Variants in MAST2 observed in about 807,000 individuals in gnomAD.
MAST2 encodes the protein microtubule associated serine/threonine kinase 2.
In MAST2, 70 loss-of-function variants were observed where a neutral mutation model predicts 147.4. That is an observed-to-expected ratio of 0.47 (90% confidence interval 0.39 to 0.58). MAST2 has a LOEUF of 0.58. Ranked by LOEUF, MAST2 falls within the 20% of genes least tolerant of loss-of-function variation. MAST2 has a pLI of 0.00. For synonymous variants in MAST2, 869 were observed against 896.8 expected, an observed-to-expected ratio of 0.97 and a Z score of 0.55; for missense variants, 2,080 against 2,302.3, an observed-to-expected ratio of 0.90 and a Z score of 1.98.
intron 4 of MAST2, among the ~76,000 whole-genome samples, chr1:45,936,767 C>CCATCAT (rs1229373341): frequency 3.3e-5 from 5 of 152,012 alleles, no homozygotes; most frequent in Non-Finnish European, 5.9e-5. Context: ...CACATGGCCA[C>CCATCAT]CATCATCATC....
chr1:46,004,179 A>G (rs972523862), intron 7 of MAST2, among the ~76,000 whole-genome samples: 15 of 152,144 alleles, frequency 9.9e-5, no homozygotes, highest in African/African-American at 3.4e-4. Context: ...CGTGGCTAAC[A>G]TGGTGAAACC....
intron 4 of MAST2, among the ~76,000 whole-genome samples, chr1:45,943,744 C>T (rs992298888): frequency 6.6e-6 from 1 of 151,302 alleles, no homozygotes; most frequent in Non-Finnish European, 1.5e-5. Flanking sequence ...AAAACTCTGT[C>T]TCAAAAAATA....
At position 46,029,991 on chromosome 1, in the gene MAST2, A is replaced by G. The variant is rs750244333; in HGVS notation, c.2443+38A>G. Reference sequence around the variant, plus strand: ...ATGGGTGGGGTGGAGGATGGGTCCTACCTGTTTGCCTAGAAACACCTGTGC... The same window carrying G: ...ATGGGTGGGGTGGAGGATGGGTCCTGCCTGTTTGCCTAGAAACACCTGTGC... On this transcript the variant is annotated intron_variant, in intron 20 of 28. Coordinates refer to ENST00000361297, the MANE Select transcript of MAST2 (RefSeq NM_015112.3). 8.7e-6 allele frequency: 14 copies of G among 1,612,304 alleles called. No homozygotes were observed. In the African/African-American group the frequency reaches 1.2e-4, roughly 14 times the overall value.
chr1:45,978,237 G>C (rs1168303470), intron 5 of MAST2, among the ~76,000 whole-genome samples: 1 of 152,200 alleles, frequency 6.6e-6, no homozygotes, highest in Non-Finnish European at 1.5e-5. Context: ...AAAGAAGCTG[G>C]GTGCGGTGGC....
At position 46,030,109 on chromosome 1, in the gene MAST2, G is replaced by A; in HGVS notation, c.2444-20G>A. On this transcript the variant is annotated intron_variant, in intron 20 of 28. Coordinates refer to ENST00000361297, the MANE Select transcript of MAST2 (RefSeq NM_015112.3). ...CACCAGCAGGGCTCTGAAGGAAAGT[G>A]TCCTTTATGTCTGGCCCAGCCCGCT... 1.2e-6 allele frequency: 2 copies of A among 1,612,864 alleles called. No homozygotes were observed. The highest frequency in any genetic ancestry group is 2.2e-5 in the South Asian group (2 of 91,042).
At position 45,923,808 on chromosome 1, in the gene MAST2, G is replaced by A. The variant is rs372854119; in HGVS notation, c.501-35578G>A. Among the ~76,000 whole-genome samples the A allele has an allele frequency of 3.3e-5, 5 of 152,266 alleles. No individual in the cohort carries two copies. In the East Asian group the frequency reaches 5.8e-4, roughly 18 times the overall value. ...ATAAATCCTCCAATCCTGGGGGTGG[G>A]AATTGGTATTCCCACAGTCTGTTGT... On this transcript the variant is annotated intron_variant, in intron 4 of 28. Coordinates refer to ENST00000361297, the MANE Select transcript of MAST2 (RefSeq NM_015112.3).
intron 3 of MAST2, chr1:45,847,338 A>G (rs1361262761): frequency 4.4e-5 from 22 of 498,250 alleles, no homozygotes; most frequent in Non-Finnish European, 8.7e-5. Flanking sequence ...AATCTGCTCC[A>G]ACTCACTGCT....
Position 45,918,460 on chromosome 1 carries a change from T to TA in MAST2, c.500+36066dup, listed in dbSNP as rs906749943. Among the ~76,000 whole-genome samples the TA allele has an allele frequency of 8.1e-4, 123 of 152,250 alleles. 1 individual carries two copies. The highest frequency in any genetic ancestry group is 2.8e-3 in the African/African-American group (116 of 41,554). On this transcript the variant is annotated intron_variant, in intron 4 of 28. Coordinates refer to ENST00000361297, the MANE Select transcript of MAST2 (RefSeq NM_015112.3). ...TAAACAATTTTGAGGCTTTTTGAGA[T>TA]AGAGTTTCGCTCTTGTCACCCAGGC...
At chr1:45,995,693 A>G (rs1401771654) in intron 5 of MAST2, among the ~76,000 whole-genome samples, 2 of 152,208 alleles carry the variant, frequency 1.3e-5, no homozygotes, top group East Asian at 1.9e-4. Flanking sequence ...CTGGCATGAC[A>G]GGCGTGAGCC....
At chr1:46,002,751 G>C in intron 6 of MAST2, 54 bp from the exon 7 acceptor site, 1 of 1,514,264 alleles carries the variant, frequency 6.6e-7, no homozygotes, top group East Asian at 2.3e-5. Context: ...CAGGCAGGTT[G>C]TGGGTCAGGG....
chr1:45,882,974 G>A (rs79380721), intron 4 of MAST2, among the ~76,000 whole-genome samples: 10,650 of 152,156 alleles, frequency 0.07, 498 homozygotes, highest in Middle Eastern at 0.11. Context: ...TTCTGTTGGG[G>A]CAGTATTAGA....
chr1:45,864,476 C>G (rs941407777), intron 3 of MAST2, among the ~76,000 whole-genome samples: 1 of 152,132 alleles, frequency 6.6e-6, no homozygotes, highest in Non-Finnish European at 1.5e-5. Flanking sequence ...CTGACAGTAT[C>G]GAAAGAATCT....
chr1:46,007,833 A>G (rs1258941406), intron 8 of MAST2, among the ~76,000 whole-genome samples: 3 of 152,236 alleles, frequency 2.0e-5, no homozygotes, highest in East Asian at 1.9e-4. Flanking sequence ...TTCATCCCCA[A>G]GTTAGGTCCA....
chr1:45,918,382 G>A (rs929470379), intron 4 of MAST2, among the ~76,000 whole-genome samples: 5 of 152,230 alleles, frequency 3.3e-5, no homozygotes, highest in African/African-American at 1.2e-4. Flanking sequence ...TACAGAATAA[G>A]TTAGGTGGTG....
intron 4 of MAST2, among the ~76,000 whole-genome samples, chr1:45,939,513 G>A (rs1484458618): frequency 1.5e-5 from 2 of 137,686 alleles, no homozygotes; most frequent in East Asian, 4.6e-4. Context: ...TGCTATATAA[G>A]TATGAGGATC....
chr1:45,874,796 TA>T (rs1415481529), intron 3 of MAST2, among the ~76,000 whole-genome samples: 1 of 152,216 alleles, frequency 6.6e-6, no homozygotes, highest in Non-Finnish European at 1.5e-5. Flanking sequence ...ATAATTATAG[TA>T]ACCAGTGAAG....
chr1:45,832,046 C>T (rs1644974325), intron 3 of MAST2, among the ~76,000 whole-genome samples: 2 of 152,076 alleles, frequency 1.3e-5, no homozygotes, highest in South Asian at 2.1e-4. Flanking sequence ...TCTCAAAGTG[C>T]TGGGATTACA....
chr1:45,872,030 C>T (rs1193441634), intron 3 of MAST2, among the ~76,000 whole-genome samples: 2 of 152,004 alleles, frequency 1.3e-5, no homozygotes, highest in East Asian at 1.9e-4. Context: ...CACCTTGCCT[C>T]GTTGATTTTA....
intron 4 of MAST2, among the ~76,000 whole-genome samples, chr1:45,909,110 A>G (rs1457763990): frequency 3.3e-5 from 5 of 152,170 alleles, no homozygotes; most frequent in Admixed American, 6.5e-5. Flanking sequence ...ATGTAAAGCT[A>G]TAAAATTCTC....
Sources: allele counts gnomAD v4.1 joint callset (sites outside exome capture counted in the v4.1 genomes callset), GRCh38; gene constraint gnomAD v4.1.1; transcripts MANE v1.5; gene names NCBI Gene and HGNC (gene_info 2026-07-23, HGNC 2026-07-21).